ITK: variants seen among roughly 807,000 people sequenced by gnomAD.
ITK encodes tyrosine-protein kinase ITK/TSK.
In ITK, 45 loss-of-function variants were observed where a neutral mutation model predicts 87.6. That is an observed-to-expected ratio of 0.51 (90% CI 0.40 to 0.66). ITK has a LOEUF of 0.66. Ranked by LOEUF, ITK falls within the 30% of genes least tolerant of loss-of-function variation. ITK has a pLI of 0.00. For synonymous variants in ITK, 303 were observed against 273.6 expected, an observed-to-expected ratio of 1.11 and a Z score of -1.06; for missense variants, 605 against 766.3, an observed-to-expected ratio of 0.79 and a Z score of 2.48.
Position 157,252,935 on chromosome 5 carries a change from G to C in ITK, c.*257G>C, listed in dbSNP as rs2113779918. On this transcript the variant is annotated 3_prime_UTR_variant, in exon 17 of 17. Coordinates refer to ENST00000422843, the MANE Select transcript of ITK (RefSeq NM_005546.4). ...GTCTCTGCCCTTCCTCTAGCCTCTT[G>C]TCACATGTGGTGCACAAACCTCAAC... The C allele has an allele frequency of 3.7e-6, 2 of 536,436 alleles. No individual in the cohort carries two copies. The highest frequency in any genetic ancestry group is 3.2e-5 in the East Asian group (1 of 31,476). 33.2% of individuals were successfully genotyped at this position (536,436 alleles called of 1,614,324 possible).
intron 6 of ITK, among the ~76,000 whole-genome samples, chr5:157,226,131 ATGACCATGTCATATGTG>A (rs1317864754): frequency 6.6e-6 from 1 of 152,250 alleles, no homozygotes; most frequent in Non-Finnish European, 1.5e-5. Flanking sequence ...GGATTCACAG[ATGACCATGTCATATGTG>A]TGACCATGTC....
intron 15 of ITK, 142 bp downstream of exon 15, chr5:157,246,141 G>A (rs890285778): frequency 4.0e-6 from 3 of 747,344 alleles, no homozygotes; most frequent in South Asian, 2.9e-5. Context: ...TGTAAGAAAG[G>A]CCCCGAAAAC....
rs193234632 is a variant in ITK, at chr5:157,219,796, C to T, written c.495+1889C>T. Reference sequence around the variant, plus strand: ...GTTCCCTCAACAGTCCCGCCTAAACCCACACCTCCCATCTTAAGTGAGGCT... The same window carrying T: ...GTTCCCTCAACAGTCCCGCCTAAACTCACACCTCCCATCTTAAGTGAGGCT... On this transcript the variant is annotated intron_variant, in intron 5 of 16. Transcript: ENST00000422843. 1.4e-3 allele frequency among the ~76,000 whole-genome samples: 214 copies of T among 152,340 alleles called. 1 individual carries two copies. The highest frequency in any genetic ancestry group is 4.9e-3 in the African/African-American group (202 of 41,592).
chr5:157,244,152 C>G, intron 12 of ITK, 110 bp from the exon 13 acceptor site: 1 of 930,558 alleles, frequency 1.1e-6, no homozygotes, highest in Non-Finnish European at 1.7e-6. Context: ...TATTTTCATC[C>G]AAACCATAAA....
intron 10 of ITK, chr5:157,240,981 A>C (rs2113772825): frequency 7.0e-6 from 1 of 142,294 alleles, no homozygotes; most frequent in South Asian, 2.2e-4. Context: ...TCTGTTGCCC[A>C]GGCTGGAGTG....
At chr5:157,239,198 C>T (rs1037424890) in intron 9 of ITK, among the ~76,000 whole-genome samples, 14 of 152,090 alleles carry the variant, frequency 9.2e-5, no homozygotes, top group Non-Finnish European at 1.5e-4. Flanking sequence ...AGGAGGCCTT[C>T]CAGGACAAAG....
Position 157,252,736 on chromosome 5 carries a change from TCA to T in ITK, c.*59_*60del. 1 of 1,317,194 alleles carries T rather than the reference TCA, an allele frequency of 7.6e-7. No homozygotes were observed. Among genetic ancestry groups the T allele is most frequent in the Non-Finnish European group, 1.1e-6 (1 of 909,452 alleles). The allele number at this position is 1,317,194 out of a possible 1,614,324, so 81.6% of individuals were successfully genotyped here. On this transcript the variant is annotated 3_prime_UTR_variant, in exon 17 of 17. Transcript: ENST00000422843. ...TCCTGAATGGAGGAAGGATATGTCC[TCA>T]TTCCATAGAGCATTAGAAGCTGCCA...
chr5:157,200,487 C>G (rs1256935701), intron 1 of ITK, among the ~76,000 whole-genome samples: 1 of 152,130 alleles, frequency 6.6e-6, no homozygotes, highest in Non-Finnish European at 1.5e-5. Flanking sequence ...TCACCCTTTC[C>G]CAGAGACTGA....
chr5:157,207,513 T>G (rs1464104737), intron 1 of ITK, among the ~76,000 whole-genome samples: 3 of 149,990 alleles, frequency 2.0e-5, no homozygotes, highest in Non-Finnish European at 4.4e-5. Context: ...CCAGAGTAGC[T>G]GGGATTATAG....
chr5:157,229,468 A>G (rs1452170462), intron 7 of ITK, among the ~76,000 whole-genome samples: 1 of 152,234 alleles, frequency 6.6e-6, no homozygotes, highest in Non-Finnish European at 1.5e-5. Flanking sequence ...AAAATGCACA[A>G]CATAAATTTA....
Position 157,250,062 on chromosome 5 carries a change from C to T in ITK, c.1791+1055C>T, listed in dbSNP as rs576665138. Among the ~76,000 whole-genome samples, 13 of 152,276 alleles carry T rather than the reference C, an allele frequency of 8.5e-5. No individual in the cohort carries two copies. The South Asian group carries it at 1.2e-3, about 15-fold the overall frequency. ...GATACATTTGTTACAATTAGTGAACCTCTATTCATACATTAACTAAAGTTC... is the reference window on the plus strand; with the variant it reads ...GATACATTTGTTACAATTAGTGAACTTCTATTCATACATTAACTAAAGTTC... On this transcript the variant is annotated intron_variant, in intron 16 of 16. Transcript: ENST00000422843.
chr5:157,189,128 T>C (rs936191958), intron 1 of ITK, among the ~76,000 whole-genome samples: 13 of 152,218 alleles, frequency 8.5e-5, no homozygotes, highest in South Asian at 2.1e-4. Context: ...TACTTTGCAA[T>C]TGAGACATGC....
At chr5:157,250,916 G>A (rs1385158213) in intron 16 of ITK, among the ~76,000 whole-genome samples, 1 of 152,088 alleles carries the variant, frequency 6.6e-6, no homozygotes, top group African/African-American at 2.4e-5. Flanking sequence ...GCCACAGTTT[G>A]TTTATCTATT....
chr5:157,189,294 C>G (rs1017366978), intron 1 of ITK, among the ~76,000 whole-genome samples: 77 of 152,146 alleles, frequency 5.1e-4, no homozygotes, highest in African/African-American at 1.7e-3. Flanking sequence ...CTGGTACACC[C>G]ATTCATCAGT....
intron 9 of ITK, 71 bp downstream of exon 9, chr5:157,238,262 C>G: frequency 8.4e-7 from 1 of 1,190,988 alleles, no homozygotes; most frequent in South Asian, 1.2e-5. Flanking sequence ...GGGGAAAAGA[C>G]AACAAAGTTA....
At chr5:157,250,724 C>T (rs1490771432) in intron 16 of ITK, among the ~76,000 whole-genome samples, 1 of 151,980 alleles carries the variant, frequency 6.6e-6, no homozygotes, top group African/African-American at 2.4e-5. Flanking sequence ...TGCCATGCTG[C>T]CCAGGTGAGT....
At chr5:157,233,945 ATATATATATATATATATATTTTT>A (rs1754713216) in intron 8 of ITK, among the ~76,000 whole-genome samples, 1 of 15,888 alleles carries the variant, frequency 6.3e-5, no homozygotes, top group Admixed American at 9.7e-4. Flanking sequence ...ATATATATAT[ATATATATATATATATATATTTTT>A]TTTTTTTTTT....
intron 8 of ITK, among the ~76,000 whole-genome samples, chr5:157,236,828 C>T (rs1754784909): frequency 1.3e-5 from 2 of 152,006 alleles, no homozygotes; most frequent in South Asian, 2.1e-4. Context: ...ATTCTCAGGG[C>T]ACTCCCTTCT....
At chr5:157,201,689 G>GA (rs141224690) in intron 1 of ITK, among the ~76,000 whole-genome samples, 10,430 of 100,996 alleles carry the variant, frequency 0.1, 417 homozygotes, top group East Asian at 0.24. Context: ...TCCAGATTGA[G>GA]AAAAAAAAGT....
Sources: gnomAD v4.1 joint callset for allele counts (sites outside exome capture counted in the v4.1 genomes callset) on GRCh38, gnomAD v4.1.1 for gene constraint, MANE v1.5 for transcripts, NCBI Gene and HGNC (gene_info 2026-07-23, HGNC 2026-07-21) for gene names.